The following IARS1 variants were observed in gnomAD, a reference collection of about 807,000 sequenced individuals.
The protein encoded by IARS1 is isoleucyl-tRNA synthetase 1, also known as isoleucine--tRNA ligase, cytoplasmic.
A neutral mutation model predicts 168.2 loss-of-function variants in IARS1; 124 were observed. The ratio of observed to expected loss-of-function variants is 0.74; its 90% CI spans 0.64 to 0.86. IARS1 has a LOEUF of 0.86. IARS1 is among the 40% of genes least tolerant of loss of function. The probability of loss-of-function intolerance (pLI) is 0.00; values close to 1 mark genes in which losing one functional copy is unlikely to be tolerated. For missense variants in IARS1, 1,452 were observed against 1,515.8 expected, an observed-to-expected ratio of 0.96 and a Z score of 0.70; for synonymous variants, 532 against 529.4, an observed-to-expected ratio of 1.00 and a Z score of -0.07.
At chr9:92,247,284 G>C in intron 26 of IARS1, 93 bp downstream of exon 26, 1 of 1,158,942 alleles carries the variant, frequency 8.6e-7, no homozygotes, top group Admixed American at 2.1e-5. Flanking sequence ...GACAGGAAAG[G>C]AAAGGATGTG....
intron 30 of IARS1, among the ~76,000 whole-genome samples, chr9:92,229,866 T>A (rs74718192): frequency 0.012 from 1,793 of 152,232 alleles, 37 homozygotes; most frequent in African/African-American, 0.04. Flanking sequence ...TCTATGCAAT[T>A]TTATCACTCG....
At chr9:92,286,352 G>C (rs1564189454) in intron 5 of IARS1, among the ~76,000 whole-genome samples, 184 bp downstream of exon 5, 1 of 152,142 alleles carries the variant, frequency 6.6e-6, no homozygotes. Context: ...GGGCAACTGA[G>C]CGAGACTCAG....
rs1391261090 is a variant in IARS1, at chr9:92,287,930, C to A, written c.277-20G>T. On this transcript the variant is annotated intron_variant, in intron 3 of 33. Transcript: ENST00000443024. ...ATATTCCTGAAAATTTGTGATAAGA[C>A]TGTTACCACGCTGCCCTATGAAAAC... The A allele has an allele frequency of 1.9e-6, 3 of 1,613,394 alleles. No homozygotes were observed. Among genetic ancestry groups the A allele is most frequent in the Non-Finnish European group, 2.5e-6 (3 of 1,179,724 alleles).
At chr9:92,219,120 G>C (rs1175929) in intron 33 of IARS1, among the ~76,000 whole-genome samples, 1 of 151,922 alleles carries the variant, frequency 6.6e-6, no homozygotes, top group African/African-American at 2.4e-5. Context: ...ATAACGCCAC[G>C]TATCTACAAC....
chr9:92,226,735 A>G (rs566049033), intron 31 of IARS1, among the ~76,000 whole-genome samples: 1 of 151,068 alleles, frequency 6.6e-6, no homozygotes, highest in Non-Finnish European at 1.5e-5. Context: ...AGCTGTGTGT[A>G]ACTCCAATCT....
intron 19 of IARS1, among the ~76,000 whole-genome samples, chr9:92,257,915 G>T (rs1429469623): frequency 6.6e-6 from 1 of 152,132 alleles, no homozygotes; most frequent in Non-Finnish European, 1.5e-5. Flanking sequence ...GGTGATGGAC[G>T]CTGACAATGG....
chr9:92,262,910 CCTT>C lies in IARS1; in HGVS notation c.1787+56_1787+58del, dbSNP rs1274228789. The C allele has an allele frequency of 2.6e-5, 33 of 1,249,052 alleles. No homozygotes were observed. In the East Asian group the frequency reaches 4.6e-4, roughly 18 times the overall value. 77.4% of individuals were successfully genotyped at this position (1,249,052 alleles called of 1,614,324 possible). ...ACAAAGTTGACCGCTCTCACGCACT[CCTT>C]CTTAAGAAACAGTGGAGACAAAGTT... On this transcript the variant is annotated intron_variant, in intron 17 of 33. Transcript: ENST00000443024.
chr9:92,253,095 CCT>C (rs1830245502), intron 21 of IARS1, among the ~76,000 whole-genome samples: 1 of 152,058 alleles, frequency 6.6e-6, no homozygotes, highest in Non-Finnish European at 1.5e-5. Flanking sequence ...TCAGTGTAGT[CCT>C]GTTTGTGCCT....
intron 30 of IARS1, among the ~76,000 whole-genome samples, chr9:92,229,404 ATG>A (rs1826313607): frequency 6.9e-6 from 1 of 145,248 alleles, no homozygotes; most frequent in South Asian, 2.1e-4. Context: ...CATCCTTGGC[ATG>A]TGTTTTGGCA....
chr9:92,289,933 C>T (rs1457773225), intron 1 of IARS1, among the ~76,000 whole-genome samples: 1 of 152,138 alleles, frequency 6.6e-6, no homozygotes, highest in Middle Eastern at 3.2e-3. Flanking sequence ...ATGAATATGC[C>T]ACATTTTGTT....
At chr9:92,240,268 T>TC in intron 30 of IARS1, 1 of 178,812 alleles carries the variant, frequency 5.6e-6, no homozygotes, top group Admixed American at 5.6e-5. Context: ...ATTTTTCTTT[T>TC]CTTTTTTTTT....
At position 92,244,999 on chromosome 9, in the gene IARS1, G is replaced by A. The variant is rs774780544; in HGVS notation, c.2864C>T (p.Thr955Ile). ...IRLMYTFDQATGGTAQFEAHS... is the reference protein window; with the variant it reads ...IRLMYTFDQAIGGTAQFEAHS... ...TGCTTCAAATTGCGCAGTCCCACCT[G>A]TGGCCTGATCAAAGGTGTACATGAG... The change falls in exon 27 of 34, where the codon ACA becomes ATA. Residue 955 changes from threonine (T) to isoleucine (I), a missense_variant. By Grantham distance (89) the Thr-to-Ile change is moderately conservative (BLOSUM62 -1). Coordinates refer to ENST00000443024, the MANE Select transcript of IARS1 (RefSeq NM_002161.6). 1.9e-6 allele frequency: 3 copies of A among 1,614,114 alleles called. No individual in the cohort carries two copies. Among genetic ancestry groups the A allele is most frequent in the Non-Finnish European group, 2.5e-6 (3 of 1,179,984 alleles).
chr9:92,292,494 G>T (rs1255365924), intron 1 of IARS1: 1 of 155,692 alleles, frequency 6.4e-6, no homozygotes, highest in African/African-American at 2.4e-5. Context: ...GGCAGCTGCT[G>T]AGGAGAAGCA....
At chr9:92,286,757 C>T in intron 4 of IARS1, 139 bp from the exon 5 acceptor site, 1 of 525,436 alleles carries the variant, frequency 1.9e-6, no homozygotes, top group Non-Finnish European at 3.4e-6. Context: ...ATCTATACTG[C>T]CAACAACATA....
intron 6 of IARS1, among the ~76,000 whole-genome samples, chr9:92,282,435 G>A (rs1443768915): frequency 1.3e-5 from 2 of 151,840 alleles, no homozygotes; most frequent in Non-Finnish European, 2.9e-5. Context: ...CTGAATAGCT[G>A]GGACTACAGG....
chr9:92,212,885 G>A (rs1406563971), intron 33 of IARS1, among the ~76,000 whole-genome samples: 1 of 152,042 alleles, frequency 6.6e-6, no homozygotes. Flanking sequence ...GAGCTTTGGG[G>A]GCTCTAAGCA....
chr9:92,279,872 T>C (rs1303739098), intron 7 of IARS1, among the ~76,000 whole-genome samples: 1 of 152,236 alleles, frequency 6.6e-6, no homozygotes, highest in Non-Finnish European at 1.5e-5. Context: ...CGATACCTCA[T>C]ATAAATAGAA....
intron 30 of IARS1, among the ~76,000 whole-genome samples, chr9:92,229,838 C>T (rs2133480204): frequency 6.6e-6 from 1 of 152,232 alleles, no homozygotes; most frequent in South Asian, 2.1e-4. Context: ...GGCATGTGTA[C>T]ACGTGGGTAT....
intron 30 of IARS1, among the ~76,000 whole-genome samples, chr9:92,239,458 C>A (rs771234495): frequency 2.4e-4 from 37 of 152,296 alleles, no homozygotes; most frequent in Admixed American, 6.5e-4. Flanking sequence ...TTTTTCACTG[C>A]ACACAAGACT....
Sources: gnomAD v4.1 joint callset for allele counts (sites outside exome capture counted in the v4.1 genomes callset) on GRCh38, gnomAD v4.1.1 for gene constraint, MANE v1.5 for transcripts, NCBI Gene and HGNC (gene_info 2026-07-23, HGNC 2026-07-21) for gene names.